Variants in SAMD5 observed in about 807,000 individuals in gnomAD.
The protein encoded by SAMD5 is sterile alpha motif domain-containing protein 5.
SAMD5 carries 13 observed loss-of-function variants against 11.3 expected under a neutral mutation model. The ratio of observed to expected loss-of-function variants is 1.15; its 90% CI spans 0.75 to 1.83. SAMD5 has a LOEUF of 1.83. Ranked by LOEUF, SAMD5 falls within the 40% of genes most tolerant of loss-of-function variation. The probability of loss-of-function intolerance (pLI) is 0.00; values close to 1 mark genes in which losing one functional copy is unlikely to be tolerated. For missense variants in SAMD5, 255 were observed against 239.1 expected, an observed-to-expected ratio of 1.07 and a Z score of -0.44; for synonymous variants, 129 against 111.3, an observed-to-expected ratio of 1.16 and a Z score of -1.00.
chr6:147,671,333 G>A lies in SAMD5; in HGVS notation c.163-65984G>A, dbSNP rs142220014. On this transcript the variant is annotated intron_variant, in intron 1 of 1. Transcript: ENST00000566741. ...GAGCACATGCTGTTGGAAAAATGGCGCCATAAGACTTGTTTGATGCAGGCT... is the reference window on the plus strand; with the variant it reads ...GAGCACATGCTGTTGGAAAAATGGCACCATAAGACTTGTTTGATGCAGGCT... 1.2e-4 allele frequency among the ~76,000 whole-genome samples: 18 copies of A among 152,204 alleles called. No homozygotes were observed. In the East Asian group the frequency reaches 1.9e-3, roughly 16 times the overall value.
At chr6:147,720,447 A>C (rs1345736110) in intron 1 of SAMD5, among the ~76,000 whole-genome samples, 5 of 139,490 alleles carry the variant, frequency 3.6e-5, no homozygotes, top group African/African-American at 1.3e-4. Flanking sequence ...TGGGCGACAG[A>C]GCGAGACTCT....
At chr6:147,845,113 T>C in the SAMD5 span, among the ~76,000 whole-genome samples, 1 of 152,144 alleles carries the variant, frequency 6.6e-6, no homozygotes, top group African/African-American at 2.4e-5. Flanking sequence ...AAATATACAA[T>C]TATTAAGTAT....
At chr6:147,729,290 T>C (rs1307958591) in intron 1 of SAMD5, among the ~76,000 whole-genome samples, 1 of 152,200 alleles carries the variant, frequency 6.6e-6, no homozygotes, top group African/African-American at 2.4e-5. Context: ...GGACTCAACA[T>C]ATGAATTTCG....
chr6:147,691,996 C>T (rs968223195), intron 1 of SAMD5, among the ~76,000 whole-genome samples: 1 of 151,640 alleles, frequency 6.6e-6, no homozygotes, highest in African/African-American at 2.4e-5. Context: ...CACACACACC[C>T]CCCTGATTGA....
chr6:147,537,822 T>C (rs887958506), intron 1 of SAMD5, among the ~76,000 whole-genome samples: 6 of 151,978 alleles, frequency 3.9e-5, no homozygotes, highest in Non-Finnish European at 7.4e-5. Context: ...CAGGACCCAA[T>C]AGAGATAGCA....
At chr6:147,766,843 A>G in the SAMD5 span, among the ~76,000 whole-genome samples, 1 of 152,216 alleles carries the variant, frequency 6.6e-6, no homozygotes. Context: ...ATAGCCAAAT[A>G]GAGTTGCTAG....
intron 1 of SAMD5, among the ~76,000 whole-genome samples, chr6:147,587,846 C>T (rs746553638): frequency 2.6e-5 from 4 of 152,096 alleles, no homozygotes; most frequent in African/African-American, 9.7e-5. Flanking sequence ...TAGAACTTAA[C>T]CTCCTTTCTC....
intron 1 of SAMD5, among the ~76,000 whole-genome samples, chr6:147,509,844 T>TA (rs1788060834): frequency 1.3e-5 from 2 of 152,196 alleles, no homozygotes; most frequent in East Asian, 3.9e-4. Context: ...CGGTGAACTC[T>TA]TTAAAGAGTG....
At chr6:147,584,410 G>A (rs1397800208) in intron 1 of SAMD5, among the ~76,000 whole-genome samples, 2 of 152,102 alleles carry the variant, frequency 1.3e-5, no homozygotes, top group Non-Finnish European at 1.5e-5. Context: ...CTTTGCCATG[G>A]ATGCTTCTTA....
chr6:147,630,408 T>C (rs4587183), intron 1 of SAMD5, among the ~76,000 whole-genome samples: 72,149 of 151,794 alleles, frequency 0.48, 17,602 homozygotes, highest in Middle Eastern at 0.57. Context: ...TGCACGTATT[T>C]GTCCAGACGG....
At chr6:147,728,268 A>G (rs1366353908) in intron 1 of SAMD5, among the ~76,000 whole-genome samples, 1 of 152,146 alleles carries the variant, frequency 6.6e-6, no homozygotes, top group African/African-American at 2.4e-5. Context: ...TCTACAAAAA[A>G]TCAGCCAGAC....
At chr6:147,521,983 C>A (rs34358483) in intron 1 of SAMD5, among the ~76,000 whole-genome samples, 8,468 of 152,068 alleles carry the variant, frequency 0.056, 304 homozygotes, top group Admixed American at 0.087. Context: ...TTTTATCTTT[C>A]CAAATCTTTT....
chr6:147,800,404 C>A, the SAMD5 span, among the ~76,000 whole-genome samples: 6 of 152,158 alleles, frequency 3.9e-5, no homozygotes, highest in African/African-American at 1.4e-4. Flanking sequence ...CAGGGACCCA[C>A]TTGAGGAGGC....
chr6:147,567,592 C>G lies in SAMD5; in HGVS notation c.*3136C>G. The G allele has an allele frequency of 1.1e-6, 1 of 940,876 alleles. No homozygotes were observed. The highest frequency in any genetic ancestry group is 1.3e-6 in the Non-Finnish European group (1 of 789,896). 58.3% of individuals were successfully genotyped at this position (940,876 alleles called of 1,614,324 possible). On this transcript the variant is annotated 3_prime_UTR_variant, in exon 2 of 2. Transcript: ENST00000367474. ...GGCTTAAGAGTTCTATGGCTTACAC[C>G]CACATACAGTCCTTGGCTCAGTGCT...
chr6:147,658,873 G>A (rs924728911), intron 1 of SAMD5, among the ~76,000 whole-genome samples: 3 of 152,144 alleles, frequency 2.0e-5, no homozygotes, highest in Non-Finnish European at 4.4e-5. Context: ...ACCCTTGTAT[G>A]GATCAGCTAA....
chr6:147,624,574 T>G (rs1262227510), intron 1 of SAMD5, among the ~76,000 whole-genome samples: 1 of 152,220 alleles, frequency 6.6e-6, no homozygotes, highest in African/African-American at 2.4e-5. Flanking sequence ...CCATTCCTTT[T>G]TATGGCTGAG....
chr6:147,724,559 T>C (rs183229296), intron 1 of SAMD5, among the ~76,000 whole-genome samples: 2 of 152,276 alleles, frequency 1.3e-5, no homozygotes, highest in Admixed American at 6.5e-5. Flanking sequence ...CTTGCCAATA[T>C]TAAAAAGAAG....
chr6:147,830,446 G>C, the SAMD5 span, among the ~76,000 whole-genome samples: 2 of 151,284 alleles, frequency 1.3e-5, no homozygotes, highest in Non-Finnish European at 2.9e-5. Flanking sequence ...TAGTGGAGAC[G>C]GGGTTTCACC....
chr6:147,546,922 C>T (rs1372217741), intron 1 of SAMD5, among the ~76,000 whole-genome samples: 3 of 152,122 alleles, frequency 2.0e-5, no homozygotes, highest in Admixed American at 2.0e-4. Flanking sequence ...GTAGTTTATT[C>T]TAGTTACTCT....
Sources: gnomAD v4.1 joint callset for allele counts (sites outside exome capture counted in the v4.1 genomes callset) on GRCh38, gnomAD v4.1.1 for gene constraint, MANE v1.5 for transcripts, NCBI Gene and HGNC (gene_info 2026-07-23, HGNC 2026-07-21) for gene names.